Variants in RGS18 observed in about 807,000 individuals in gnomAD.
The protein encoded by RGS18 is regulator of G-protein signaling 18.
In RGS18, 22 loss-of-function variants were observed where a neutral mutation model predicts 27.6. The observed-to-expected ratio is 0.80, with a 90% CI of 0.57 to 1.14. The LOEUF is 1.14. Among genes scored for constraint, RGS18 ranks in the 50% most tolerant of loss-of-function variants. RGS18 has a pLI of 0.00. For missense variants in RGS18, 299 were observed against 269.6 expected (o/e 1.11, Z -0.76); for synonymous variants, 89 against 84.6 (o/e 1.05, Z -0.29).
At chr1:192,177,230 G>T (rs1656373369) in intron 3 of RGS18, among the ~76,000 whole-genome samples, 1 of 150,756 alleles carries the variant, frequency 6.6e-6, no homozygotes, top group South Asian at 2.1e-4. Context: ...ACATATTTTT[G>T]TCCATATTCA....
chr1:192,184,612 G>A lies in RGS18; in HGVS notation c.*58G>A, dbSNP rs576797637. 8.1e-5 allele frequency: 119 copies of A among 1,465,306 alleles called. No homozygotes were observed. The Middle Eastern group carries it at 8.8e-4, about 11-fold the overall frequency. The allele number at this position is 1,465,306 out of a possible 1,614,324, so 90.8% of individuals were successfully genotyped here. On this transcript the variant is annotated 3_prime_UTR_variant, in exon 5 of 5. Coordinates refer to ENST00000367460, the MANE Select transcript of RGS18 (RefSeq NM_130782.3). ...CTTATACATCTGCTTCTAACATATC[G>A]CATGTTTATGTTAAGATTTGGTCCC...
intron 3 of RGS18, chr1:192,169,045 CAGTTCTCAGGTTCAGACTA>C (rs1656211784): frequency 6.6e-6 from 1 of 152,170 alleles, no homozygotes; most frequent in African/African-American, 2.4e-5. Context: ...ATACATAACA[CAGTTCTCAGGTTCAGACTA>C]AGTTATTTTT....
chr1:192,163,615 C>G (rs1268012901), intron 3 of RGS18: 1 of 151,892 alleles, frequency 6.6e-6, no homozygotes, highest in African/African-American at 2.4e-5. Flanking sequence ...CAGCACTGAC[C>G]CACTGGATAT....
At chr1:192,182,342 C>T (rs1656470660) in intron 4 of RGS18, among the ~76,000 whole-genome samples, 1 of 151,592 alleles carries the variant, frequency 6.6e-6, no homozygotes, top group Non-Finnish European at 1.5e-5. Flanking sequence ...CACATCCTCA[C>T]CAACATTTGT....
chr1:192,169,317 A>G (rs1656216397), intron 3 of RGS18: 1 of 152,210 alleles, frequency 6.6e-6, no homozygotes, highest in Admixed American at 6.5e-5. Flanking sequence ...AGAGTGCAGT[A>G]GATTAAAATC....
chr1:192,172,363 C>CG (rs1656275175), intron 3 of RGS18, among the ~76,000 whole-genome samples: 1 of 151,946 alleles, frequency 6.6e-6, no homozygotes, highest in African/African-American at 2.4e-5. Context: ...GGCTGCCCCT[C>CG]GGGTTTGATC....
chr1:192,179,233 A>T (rs1195291124), intron 3 of RGS18, among the ~76,000 whole-genome samples: 1 of 151,578 alleles, frequency 6.6e-6, no homozygotes, highest in East Asian at 1.9e-4. Context: ...ATATTTCCTT[A>T]TGCAATAACT....
At chr1:192,174,627 A>T (rs1656325972) in intron 3 of RGS18, among the ~76,000 whole-genome samples, 1 of 151,884 alleles carries the variant, frequency 6.6e-6, no homozygotes, top group Non-Finnish European at 1.5e-5. Context: ...GTTATGTACT[A>T]GTAATAATTG....
At position 192,181,503 on chromosome 1, in the gene RGS18, T is replaced by A. The variant is rs776082946; in HGVS notation, c.450+45T>A. 4 of 1,253,250 alleles carry A rather than the reference T, an allele frequency of 3.2e-6. No individual in the cohort carries two copies. In the South Asian group the frequency reaches 6.6e-5, roughly 21 times the overall value. The allele number at this position is 1,253,250 out of a possible 1,614,324, so 77.6% of individuals were successfully genotyped here. A position where few individuals can be genotyped will look rare whatever the true frequency, so the allele number is the denominator to read the frequency against. On this transcript the variant is annotated intron_variant, in intron 4 of 4. Coordinates refer to ENST00000367460, the MANE Select transcript of RGS18 (RefSeq NM_130782.3). ...AAAAATGCATAATTGCTTTCAAAATTTTTTAATAATTTTATTTTTAAATTG... is the reference window on the plus strand; with the variant it reads ...AAAAATGCATAATTGCTTTCAAAATATTTTAATAATTTTATTTTTAAATTG...
intron 3 of RGS18, among the ~76,000 whole-genome samples, chr1:192,179,133 T>C (rs927410040): frequency 6.6e-6 from 1 of 151,496 alleles, no homozygotes; most frequent in African/African-American, 2.4e-5. Flanking sequence ...AGATATGCCA[T>C]CCTACAATCC....
intron 4 of RGS18, among the ~76,000 whole-genome samples, chr1:192,183,332 G>A (rs551492417): frequency 6.6e-6 from 1 of 151,608 alleles, no homozygotes; most frequent in Admixed American, 6.6e-5. Flanking sequence ...TTTGCTTGGA[G>A]GAAATCATCA....
chr1:192,166,000 A>G (rs1656156913), intron 3 of RGS18, among the ~76,000 whole-genome samples: 1 of 152,234 alleles, frequency 6.6e-6, no homozygotes, highest in Non-Finnish European at 1.5e-5. Flanking sequence ...TCTGTCATTC[A>G]TAATCATAAA....
In RGS18 at chr1:192,161,915, C is replaced by T. The variant is rs375307586; in HGVS notation, c.283+1476C>T. ...CAACTCTTTATAAGGTCTTGGTGAC[C>T]TTTTCATGTTCTTCTGAATTTAGTG... On this transcript the variant is annotated intron_variant, in intron 3 of 4. Transcript: ENST00000367460. Among the ~76,000 whole-genome samples, 14 of 152,126 alleles carry T rather than the reference C, an allele frequency of 9.2e-5. No homozygotes were observed. The South Asian group carries it at 2.9e-3, about 32-fold the overall frequency.
At chr1:192,159,867 A>AT (rs532795491) in intron 2 of RGS18, among the ~76,000 whole-genome samples, 11 of 152,126 alleles carry the variant, frequency 7.2e-5, no homozygotes, top group Middle Eastern at 6.8e-3. Context: ...TCTCTAGAAT[A>AT]TTTTTTCTAT....
intron 3 of RGS18, among the ~76,000 whole-genome samples, chr1:192,180,517 C>T (rs1481584788): frequency 6.6e-6 from 1 of 151,594 alleles, no homozygotes; most frequent in Non-Finnish European, 1.5e-5. Context: ...AGGTCCCATG[C>T]TGTATGTCTA....
chr1:192,172,120 G>A (rs962907525), intron 3 of RGS18, among the ~76,000 whole-genome samples: 1 of 151,938 alleles, frequency 6.6e-6, no homozygotes, highest in African/African-American at 2.4e-5. Flanking sequence ...CCACTGCTAC[G>A]GTTTGGATGT....
At chr1:192,159,803 G>A (rs1163295032) in intron 2 of RGS18, among the ~76,000 whole-genome samples, 2 of 151,952 alleles carry the variant, frequency 1.3e-5, no homozygotes, top group Non-Finnish European at 1.5e-5. Flanking sequence ...TTCCAAATTA[G>A]AGTATAATAA....
In RGS18 at chr1:192,184,370, C is replaced by T. The variant is rs768194647; in HGVS notation, c.524C>T (p.Ala175Val). 7 of 1,611,724 alleles carry T rather than the reference C, an allele frequency of 4.3e-6. No individual in the cohort carries two copies. The highest frequency in any genetic ancestry group is 5.9e-6 in the Non-Finnish European group (7 of 1,178,518). The change falls in exon 5 of 5, where the codon GCT (alanine) becomes GTT (valine). Residue 175 changes from alanine (A) to valine (V), a missense_variant. Physicochemically the swap from Ala to Val is moderately conservative, Grantham distance 64. Transcript: ENST00000367460. ...ITQPTLHSFD[A>V]AQSRVYQLME... Reference sequence around the variant, plus strand: ...CAACCTACCCTCCACAGTTTTGATGCTGCACAAAGCAGAGTGTATCAGCTC... The same window carrying T: ...CAACCTACCCTCCACAGTTTTGATGTTGCACAAAGCAGAGTGTATCAGCTC...
chr1:192,161,344 C>T (rs17588024), intron 3 of RGS18: 23,367 of 152,104 alleles, frequency 0.15, 2,266 homozygotes, highest in Middle Eastern at 0.29. Flanking sequence ...TATAATATAG[C>T]ATGGCTTAGG....
Sources: gnomAD v4.1 joint callset for allele counts (sites outside exome capture counted in the v4.1 genomes callset) on GRCh38, gnomAD v4.1.1 for gene constraint, MANE v1.5 for transcripts, NCBI Gene and HGNC (gene_info 2026-07-23, HGNC 2026-07-21) for gene names.